Variants in CDC42BPA observed in about 807,000 individuals in gnomAD.
CDC42BPA encodes the protein serine/threonine-protein kinase MRCK alpha.
CDC42BPA carries 80 observed loss-of-function variants against 223.5 expected under a neutral mutation model. The observed-to-expected ratio is 0.36, with a 90% CI of 0.30 to 0.43. The LOEUF is 0.43. Ranked by LOEUF, CDC42BPA falls within the 20% of genes least tolerant of loss-of-function variation. The pLI is 1.00. For missense variants in CDC42BPA, 1,743 were observed against 2,099.9 expected, an observed-to-expected ratio of 0.83 and a Z score of 3.32; for synonymous variants, 694 against 718.6, an observed-to-expected ratio of 0.97 and a Z score of 0.55.
At chr1:227,283,943 A>T (rs529217736) in intron 1 of CDC42BPA, among the ~76,000 whole-genome samples, 22 of 152,304 alleles carry the variant, frequency 1.4e-4, no homozygotes, top group Middle Eastern at 3.4e-3. Flanking sequence ...CTGTAATCCC[A>T]GCACTCGGGA....
intron 10 of CDC42BPA, among the ~76,000 whole-genome samples, chr1:227,133,692 G>A (rs1051545967): frequency 1.3e-5 from 2 of 152,082 alleles, no homozygotes; most frequent in African/African-American, 4.8e-5. Context: ...TGAAACATGT[G>A]CTGTGTCCAC....
intron 4 of CDC42BPA, among the ~76,000 whole-genome samples, chr1:227,195,341 G>A (rs1200798328): frequency 2.0e-5 from 3 of 151,996 alleles, no homozygotes; most frequent in Admixed American, 6.5e-5. Context: ...TTACAGGCAC[G>A]CACCACCACA....
intron 4 of CDC42BPA, among the ~76,000 whole-genome samples, 159 bp downstream of exon 4, chr1:227,199,398 G>A (rs1359701177): frequency 1.3e-5 from 2 of 151,490 alleles, no homozygotes; most frequent in Non-Finnish European, 2.9e-5. Context: ...AAATTTCCAG[G>A]GAGAAAAAAA....
rs981438439 is a variant in CDC42BPA, at chr1:227,029,156, A to G, written c.3933T>C (p.His1311=). The G allele has an allele frequency of 3.1e-6, 5 of 1,606,058 alleles. No homozygotes were observed. The highest frequency in any genetic ancestry group is 2.2e-5 in the South Asian group (2 of 91,090). The change falls in exon 30 of 37, where the codon CAT becomes CAC. Residue 1311 remains histidine, a synonymous_variant. Coordinates refer to ENST00000366766, the MANE Select transcript of CDC42BPA (RefSeq NM_001394014.1). Reference sequence around the variant, plus strand: ...ATGCTGACATAGGAAAAAGTCGTACATGACGATTTCGTCCTGAGATCACAG... The same window carrying G: ...ATGCTGACATAGGAAAAAGTCGTACGTGACGATTTCGTCCTGAGATCACAG... ...LVAVISGRNR[H]VRLFPMSALD...
intron 5 of CDC42BPA, 119 bp downstream of exon 5, chr1:227,193,663 ATTTT>A (rs150257854): frequency 1.3e-6 from 1 of 755,806 alleles, no homozygotes. Context: ...TCTCAAAATA[ATTTT>A]TTTTGGTTGA....
chr1:227,053,412 A>G (rs1388052447), intron 21 of CDC42BPA, among the ~76,000 whole-genome samples: 1 of 152,158 alleles, frequency 6.6e-6, no homozygotes, highest in East Asian at 1.9e-4. Context: ...AGTAGGGAGA[A>G]GAAGGGTGAA....
intron 15 of CDC42BPA, 126 bp downstream of exon 15, chr1:227,100,866 T>A: frequency 1.6e-6 from 1 of 617,860 alleles, no homozygotes; most frequent in Admixed American, 3.2e-5. Flanking sequence ...TAATTTTCTA[T>A]CTGCCAATCC....
At chr1:227,118,573 C>T (rs1352882704) in intron 12 of CDC42BPA, among the ~76,000 whole-genome samples, 1 of 151,768 alleles carries the variant, frequency 6.6e-6, no homozygotes, top group Non-Finnish European at 1.5e-5. Context: ...AAATTGGTGA[C>T]CACCTGTCAC....
Position 227,118,311 on chromosome 1 carries a change from C to T in CDC42BPA, c.1647+1493G>A, listed in dbSNP as rs576232111. Among the ~76,000 whole-genome samples, 11 of 152,216 alleles carry T rather than the reference C, an allele frequency of 7.2e-5. No individual in the cohort carries two copies. The South Asian group carries it at 2.3e-3, about 32-fold the overall frequency. The stretch of plus-strand genomic sequence containing the variant: ...AGGTATATGAAAAAGTATTCAACAT[C>T]ACTAGTCATAAGAGAAGTAAACATC... On this transcript the variant is annotated intron_variant, in intron 12 of 36. Transcript: ENST00000366766.
intron 21 of CDC42BPA, among the ~76,000 whole-genome samples, chr1:227,059,756 T>C (rs1360042505): frequency 1.3e-5 from 2 of 152,198 alleles, no homozygotes; most frequent in Non-Finnish European, 2.9e-5. Context: ...TCTGATTTAG[T>C]GCTGGCAAAC....
chr1:227,203,415 T>C (rs1042422935), intron 3 of CDC42BPA, among the ~76,000 whole-genome samples: 11 of 152,272 alleles, frequency 7.2e-5, no homozygotes, highest in Middle Eastern at 3.4e-3. Context: ...CAGTTGTCAA[T>C]GAAGTCCCTG....
At chr1:227,039,814 T>A (rs1269198043) in intron 24 of CDC42BPA, among the ~76,000 whole-genome samples, 25 of 152,212 alleles carry the variant, frequency 1.6e-4, no homozygotes, top group Admixed American at 1.6e-3. Flanking sequence ...GTCTACTTTT[T>A]AATAACAATT....
At chr1:227,133,990 A>AATAAATAAATAAATAC (rs1657967436) in intron 10 of CDC42BPA, among the ~76,000 whole-genome samples, 1 of 151,696 alleles carries the variant, frequency 6.6e-6, no homozygotes, top group East Asian at 1.9e-4. Flanking sequence ...TAAATAAATA[A>AATAAATAAATAAATAC]ATAAATAAAA....
chr1:227,108,340 A>AT (rs1007835153), intron 14 of CDC42BPA, among the ~76,000 whole-genome samples: 2 of 150,658 alleles, frequency 1.3e-5, no homozygotes, highest in African/African-American at 2.4e-5. Context: ...TTCCCTGGTG[A>AT]TTTATTCTTT....
chr1:227,305,972 CTAAA>C (rs1434126112), intron 1 of CDC42BPA, among the ~76,000 whole-genome samples: 6 of 152,054 alleles, frequency 3.9e-5, no homozygotes, highest in South Asian at 4.2e-4. Context: ...TCTCAAAAAA[CTAAA>C]TAAATAAATA....
intron 16 of CDC42BPA, among the ~76,000 whole-genome samples, chr1:227,082,570 C>T (rs939265371): frequency 2.0e-5 from 3 of 151,704 alleles, no homozygotes; most frequent in African/African-American, 7.3e-5. Flanking sequence ...AAAAAATTAG[C>T]CAGACGTGGT....
At chr1:227,096,101 T>C (rs1479367709) in intron 15 of CDC42BPA, among the ~76,000 whole-genome samples, 2 of 152,178 alleles carry the variant, frequency 1.3e-5, no homozygotes, top group African/African-American at 4.8e-5. Context: ...CATAACATTA[T>C]TGAAGATAAA....
At chr1:227,176,478 T>C (rs1363181860) in intron 5 of CDC42BPA, among the ~76,000 whole-genome samples, 1 of 152,196 alleles carries the variant, frequency 6.6e-6, no homozygotes, top group African/African-American at 2.4e-5. Context: ...TGCAAACAGT[T>C]TGAAAAAAAT....
At chr1:227,083,759 T>TG (rs1487835197) in intron 16 of CDC42BPA, among the ~76,000 whole-genome samples, 1 of 152,228 alleles carries the variant, frequency 6.6e-6, no homozygotes, top group Non-Finnish European at 1.5e-5. Flanking sequence ...TTGAAATACT[T>TG]GGAGACTGGG....
Sources: allele counts gnomAD v4.1 joint callset (sites outside exome capture counted in the v4.1 genomes callset), GRCh38; gene constraint gnomAD v4.1.1; transcripts MANE v1.5; gene names NCBI Gene and HGNC (gene_info 2026-07-23, HGNC 2026-07-21).